DOP1B: variants seen among roughly 807,000 people sequenced by gnomAD.
DOP1B encodes protein DOP1B.
A neutral mutation model predicts 233.5 loss-of-function variants in DOP1B; 174 were observed. The ratio of observed to expected loss-of-function variants is 0.75; its 90% CI spans 0.66 to 0.85. DOP1B has a LOEUF of 0.85. Ranked by LOEUF, DOP1B falls within the 40% of genes least tolerant of loss-of-function variation. DOP1B has a pLI of 0.00. For missense variants in DOP1B, 2,652 were observed against 2,846.6 expected (o/e 0.93, Z 1.56); for synonymous variants, 1,190 against 1,185.6 (o/e 1.00, Z -0.08).
rs540499303 is a variant in DOP1B at position 36,276,062 on chromosome 21, G to A, written c.5633-959G>A. Among the ~76,000 whole-genome samples, 6 of 141,764 alleles carry A rather than the reference G, an allele frequency of 4.2e-5. 1 individual carries two copies. In the East Asian group the frequency reaches 8.7e-4, roughly 21 times the overall value. 93.0% of individuals were successfully genotyped at this position (141,764 alleles called of 152,430 possible). ...GGTATGACAGTGGTGGAGCTGGAGC[G>A]GAGTCGGGGATGGTTAGAAGAGAAG... On this transcript the variant is annotated intron_variant, in intron 27 of 36. Transcript: ENST00000691173.
chr21:36,276,289 G>A (rs530621792), intron 27 of DOP1B, among the ~76,000 whole-genome samples: 2 of 152,242 alleles, frequency 1.3e-5, no homozygotes, highest in African/African-American at 4.8e-5. Flanking sequence ...CTAGCACTTA[G>A]GGAGGCCAAG....
intron 13 of DOP1B, among the ~76,000 whole-genome samples, 199 bp downstream of exon 13, chr21:36,228,076 A>G (rs1203082388): frequency 2.0e-5 from 3 of 152,104 alleles, no homozygotes; most frequent in Non-Finnish European, 2.9e-5. Flanking sequence ...CACCTGTAAT[A>G]CCAACACTTT....
At position 36,263,624 on chromosome 21, in the gene DOP1B, C is replaced by T. The variant is rs1446252612; in HGVS notation, c.5394C>T (p.Ala1798=). Residue 1798 remains alanine, a synonymous_variant, in exon 25 of 37, where the codon GCC becomes GCT. Coordinates refer to ENST00000691173, the MANE Select transcript of DOP1B (RefSeq NM_001320714.2). ...AAGAGTCTGTACAGTTGAATCTAGC[C>T]CCACCTGGGTATTTTCTGCTTCTCA... is the stretch of plus-strand genomic sequence containing the variant. ...VLKESVQLNL[A]PPGYFLLLSM... is the part of the protein sequence containing the mutation. 4.3e-6 allele frequency: 7 copies of T among 1,613,986 alleles called. No homozygotes were observed. Among genetic ancestry groups the T allele is most frequent in the Non-Finnish European group, 5.9e-6 (7 of 1,180,004 alleles).
chr21:36,188,798 G>T (rs2066196011), intron 2 of DOP1B, among the ~76,000 whole-genome samples: 1 of 152,084 alleles, frequency 6.6e-6, no homozygotes, highest in Non-Finnish European at 1.5e-5. Context: ...TGCAAAAGTA[G>T]GGTGACTGTC....
At chr21:36,214,357 A>G (rs1478828610) in intron 8 of DOP1B, 85 bp from the exon 9 acceptor site, 30 of 1,411,914 alleles carry the variant, frequency 2.1e-5, no homozygotes, top group Non-Finnish European at 2.8e-5. Context: ...TCTGTCCCAG[A>G]GTATTTAACA....
intron 15 of DOP1B, among the ~76,000 whole-genome samples, chr21:36,236,777 C>CTTTTTTTTT (rs35374710): frequency 5.1e-5 from 6 of 118,572 alleles, no homozygotes; most frequent in Non-Finnish European, 6.7e-5. Context: ...TTTTCTTTTT[C>CTTTTTTTTT]TTTTTTTTTT....
rs2066347862 is a variant in DOP1B, at chr21:36,200,383, C to T, written c.373C>T (p.Leu125=). ...CGCGGCGGTGTCGGTGAGGCCGGTG[C>T]TGCTCACCCTGTACGAGAAGTACTT... The part of the protein sequence containing the change: ...AHAAVSVRPV[L]LTLYEKYFLP... Residue 125 remains leucine, a synonymous_variant, in exon 4 of 37, where the codon CTG becomes TTG. Transcript: ENST00000691173. 1 of 1,613,208 alleles carries T rather than the reference C, an allele frequency of 6.2e-7. No homozygotes were observed. The highest frequency in any genetic ancestry group is 1.3e-5 in the African/African-American group (1 of 74,904).
At chr21:36,194,766 C>T (rs1452516694) in intron 2 of DOP1B, among the ~76,000 whole-genome samples, 4 of 152,146 alleles carry the variant, frequency 2.6e-5, no homozygotes, top group Non-Finnish European at 4.4e-5. Context: ...AGATTACAGG[C>T]GTGAGCCACT....
intron 26 of DOP1B, among the ~76,000 whole-genome samples, chr21:36,265,740 T>G (rs1222489686): frequency 6.6e-6 from 1 of 152,150 alleles, no homozygotes; most frequent in Non-Finnish European, 1.5e-5. Context: ...CCGCCACTAA[T>G]TCCTTCCTAC....
chr21:36,286,639 A>AAC (rs3029064), intron 32 of DOP1B, among the ~76,000 whole-genome samples: 5,382 of 146,516 alleles, frequency 0.037, 142 homozygotes, highest in Non-Finnish European at 0.052. Flanking sequence ...CCATCTCAAA[A>AAC]ACACACACAC....
chr21:36,226,635 C>G (rs2066686148), intron 12 of DOP1B, among the ~76,000 whole-genome samples: 1 of 151,896 alleles, frequency 6.6e-6, no homozygotes, highest in African/African-American at 2.4e-5. Flanking sequence ...TCACTGTCAC[C>G]CAGGCTGGAG....
intron 4 of DOP1B, 42 bp from the exon 5 acceptor site, chr21:36,208,673 A>G (rs1201713315): frequency 6.3e-7 from 1 of 1,589,716 alleles, no homozygotes; most frequent in South Asian, 1.1e-5. Context: ...GGACTCGGGA[A>G]GATGGGGCGA....
At chr21:36,254,341 A>G (rs2067067657) in intron 23 of DOP1B, among the ~76,000 whole-genome samples, 1 of 152,144 alleles carries the variant, frequency 6.6e-6, no homozygotes, top group African/African-American at 2.4e-5. Context: ...GCGGTAAGGG[A>G]AAGTGTTGGG....
chr21:36,267,568 C>T (rs891286369), intron 26 of DOP1B, among the ~76,000 whole-genome samples: 1 of 150,470 alleles, frequency 6.6e-6, no homozygotes, highest in African/African-American at 2.5e-5. Flanking sequence ...CCTGTAGTCC[C>T]AGCTACCTGG....
chr21:36,206,105 A>G (rs1337576953), intron 4 of DOP1B, among the ~76,000 whole-genome samples: 1 of 152,078 alleles, frequency 6.6e-6, no homozygotes, highest in Non-Finnish European at 1.5e-5. Context: ...GTTGAGTAGG[A>G]AGTTATTTCG....
chr21:36,281,421 C>A, intron 31 of DOP1B, 62 bp from the exon 32 acceptor site: 1 of 1,497,160 alleles, frequency 6.7e-7, no homozygotes, highest in African/African-American at 1.4e-5. Context: ...GTATGAATTT[C>A]CCATCACTTC....
At chr21:36,263,091 G>A (rs1007880811) in intron 24 of DOP1B, among the ~76,000 whole-genome samples, 2 of 151,870 alleles carry the variant, frequency 1.3e-5, no homozygotes, top group East Asian at 1.9e-4. Flanking sequence ...AAAATTAGCC[G>A]AGCGTGGTGG....
chr21:36,184,787 A>C (rs558075654), intron 2 of DOP1B, among the ~76,000 whole-genome samples: 1 of 152,096 alleles, frequency 6.6e-6, no homozygotes, highest in Non-Finnish European at 1.5e-5. Flanking sequence ...GCTGCGGGGA[A>C]CAGGATCGCT....
At chr21:36,284,265 C>CTTTTT (rs71326667) in intron 32 of DOP1B, among the ~76,000 whole-genome samples, 815 of 75,810 alleles carry the variant, frequency 0.011, 25 homozygotes, top group African/African-American at 0.012. Flanking sequence ...TTCCTTCTTT[C>CTTTTT]TTTTTTTTTT....
Sources: gnomAD v4.1 joint callset for allele counts (sites outside exome capture counted in the v4.1 genomes callset) on GRCh38, gnomAD v4.1.1 for gene constraint, MANE v1.5 for transcripts, NCBI Gene and HGNC (gene_info 2026-07-23, HGNC 2026-07-21) for gene names.